The following BORCS5 variants were observed in gnomAD, a reference collection of about 807,000 sequenced individuals.
The protein encoded by BORCS5 is BLOC-1 related complex subunit 5.
A neutral mutation model predicts 22.1 loss-of-function variants in BORCS5; 17 were observed. That is an observed-to-expected ratio of 0.77 (90% confidence interval 0.53 to 1.15). BORCS5 has a LOEUF of 1.15. Ranked by LOEUF, BORCS5 falls within the 50% of genes most tolerant of loss-of-function variation. BORCS5 has a pLI of 0.00. For synonymous variants in BORCS5, 117 were observed against 99.8 expected (o/e 1.17, Z -1.03); for missense variants, 247 against 253.2 (o/e 0.98, Z 0.17).
chr12:12,463,086 GGCAAA>G (rs1943140122), intron 3 of BORCS5, among the ~76,000 whole-genome samples: 3 of 152,288 alleles, frequency 2.0e-5, no homozygotes, highest in African/African-American at 7.2e-5. Context: ...AAATAGGAAA[GGCAAA>G]TAAGGATATA....
Position 12,393,768 on chromosome 12 carries a change from G to A in BORCS5, c.202+32419G>A, listed in dbSNP as rs112344263. 3.3e-5 allele frequency among the ~76,000 whole-genome samples: 5 copies of A among 150,736 alleles called. 1 individual carries two copies. The highest frequency in any genetic ancestry group is 9.8e-5 in the African/African-American group (4 of 40,762). ...CTCCTGACTTCAGGTAGATCTGCCCGCCTTGGCCTTCCAAAGTGCTGGGAT... is the reference window on the plus strand; with the variant it reads ...CTCCTGACTTCAGGTAGATCTGCCCACCTTGGCCTTCCAAAGTGCTGGGAT... On this transcript the variant is annotated intron_variant, in intron 2 of 3. Coordinates refer to ENST00000314565, the MANE Select transcript of BORCS5 (RefSeq NM_058169.6).
chr12:12,422,897 G>T (rs372341381), intron 2 of BORCS5, among the ~76,000 whole-genome samples: 1 of 149,950 alleles, frequency 6.7e-6, no homozygotes, highest in Non-Finnish European at 1.5e-5. Context: ...GTCTCTTAAC[G>T]CAGAAAGCCA....
In BORCS5 at chr12:12,395,740, T is replaced by C. The variant is rs182562717; in HGVS notation, c.202+34391T>C. ...TTGACAGCTGCGCTTTTTGAATGAATTGGTATGACAGTGGCCAAAGATGGA... is the reference window on the plus strand; with the variant it reads ...TTGACAGCTGCGCTTTTTGAATGAACTGGTATGACAGTGGCCAAAGATGGA... On this transcript the variant is annotated intron_variant, in intron 2 of 3. Transcript: ENST00000314565. 1.8e-3 allele frequency among the ~76,000 whole-genome samples: 273 copies of C among 152,094 alleles called. 1 individual carries two copies. The highest frequency in any genetic ancestry group is 1.2e-3 in the Admixed American group (19 of 15,282).
intron 3 of BORCS5, among the ~76,000 whole-genome samples, chr12:12,461,190 T>C (rs962868989): frequency 1.6e-4 from 23 of 147,110 alleles, no homozygotes; most frequent in African/African-American, 5.8e-4. Context: ...CCCCCTGGGA[T>C]AGGGCCTTGC....
intron 2 of BORCS5, among the ~76,000 whole-genome samples, chr12:12,380,333 G>C (rs1276926814): frequency 6.6e-6 from 1 of 151,366 alleles, no homozygotes; most frequent in Admixed American, 6.6e-5. Flanking sequence ...AAAAAAATTT[G>C]AAGTGGAATA....
intron 3 of BORCS5, among the ~76,000 whole-genome samples, chr12:12,438,508 A>G (rs1246766289): frequency 6.6e-6 from 1 of 152,154 alleles, no homozygotes; most frequent in Admixed American, 6.6e-5. Flanking sequence ...AGCTGGAAGT[A>G]CCAGACAGAG....
chr12:12,458,138 T>C (rs1377243700), intron 3 of BORCS5, among the ~76,000 whole-genome samples: 2 of 152,206 alleles, frequency 1.3e-5, no homozygotes, highest in Admixed American at 6.5e-5. Context: ...TGTTTTGTTT[T>C]GTTTTGTTTT....
chr12:12,372,454 G>T (rs150911041), intron 2 of BORCS5, among the ~76,000 whole-genome samples: 1 of 152,154 alleles, frequency 6.6e-6, no homozygotes, highest in African/African-American at 2.4e-5. Context: ...CAAGCAAACC[G>T]CCTGCTTCAG....
chr12:12,401,180 A>T (rs1403870472), intron 2 of BORCS5, among the ~76,000 whole-genome samples: 1 of 152,298 alleles, frequency 6.6e-6, no homozygotes, highest in East Asian at 1.9e-4. Flanking sequence ...ACTAGGAACA[A>T]ATTGCTGTCT....
At chr12:12,464,403 C>A (rs7132512) in intron 3 of BORCS5, among the ~76,000 whole-genome samples, 54,931 of 152,036 alleles carry the variant, frequency 0.36, 11,769 homozygotes, top group East Asian at 0.74. Context: ...CCCGTGTTTT[C>A]ATGAGTTTGT....
At chr12:12,429,735 T>C (rs1032539083) in intron 2 of BORCS5, among the ~76,000 whole-genome samples, 1 of 152,184 alleles carries the variant, frequency 6.6e-6, no homozygotes, top group African/African-American at 2.4e-5. Flanking sequence ...GTGAGAGTTT[T>C]GTTTTGTGAG....
At chr12:12,452,795 G>A (rs929978059) in intron 3 of BORCS5, among the ~76,000 whole-genome samples, 11 of 152,216 alleles carry the variant, frequency 7.2e-5, no homozygotes, top group African/African-American at 2.7e-4. Flanking sequence ...CATGGGAGTG[G>A]TGATCTGGAG....
rs554002958 is a variant in BORCS5 at position 12,393,372 on chromosome 12, C to T, written c.202+32023C>T. On this transcript the variant is annotated intron_variant, in intron 2 of 3. Transcript: ENST00000314565. ...GGTGTACAGTAACCATTGCCAGGTG[C>T]CTGGGACTACTGCTTCCACTTTCTG... 2.1e-4 allele frequency among the ~76,000 whole-genome samples: 32 copies of T among 152,158 alleles called. 1 individual carries two copies. Among genetic ancestry groups the T allele is most frequent in the African/African-American group, 7.2e-4 (30 of 41,472 alleles).
At chr12:12,463,191 G>A (rs967717993) in intron 3 of BORCS5, among the ~76,000 whole-genome samples, 2 of 152,236 alleles carry the variant, frequency 1.3e-5, no homozygotes, top group Non-Finnish European at 2.9e-5. Flanking sequence ...ATGAGCATGT[G>A]TCTGGGGGTT....
intron 2 of BORCS5, among the ~76,000 whole-genome samples, chr12:12,387,897 AG>A (rs1372526878): frequency 1.6e-4 from 24 of 151,484 alleles, no homozygotes; most frequent in African/African-American, 4.8e-4. Flanking sequence ...ACACACCATG[AG>A]GGGCCTCACT....
chr12:12,464,344 A>G (rs1943162229), intron 3 of BORCS5, among the ~76,000 whole-genome samples: 1 of 152,068 alleles, frequency 6.6e-6, no homozygotes, highest in South Asian at 2.1e-4. Flanking sequence ...CCCTCCCCAC[A>G]GATGATAGCA....
intron 2 of BORCS5, among the ~76,000 whole-genome samples, chr12:12,394,811 A>G (rs1941291616): frequency 6.6e-6 from 1 of 152,092 alleles, no homozygotes; most frequent in South Asian, 2.1e-4. Flanking sequence ...CCATGTGCCA[A>G]GTGCTACACT....
intron 3 of BORCS5, among the ~76,000 whole-genome samples, chr12:12,443,007 G>A (rs1037551905): frequency 7.9e-5 from 12 of 152,180 alleles, no homozygotes; most frequent in African/African-American, 1.9e-4. Context: ...GAGTAGTTCC[G>A]AGTGTTGCAC....
intron 2 of BORCS5, among the ~76,000 whole-genome samples, chr12:12,392,061 A>AAAG (rs1276686729): frequency 6.6e-6 from 1 of 150,428 alleles, no homozygotes; most frequent in Admixed American, 6.7e-5. Context: ...AAAAAAAAAA[A>AAAG]AAAAATAGAG....
Sources: gnomAD v4.1 joint callset for allele counts (sites outside exome capture counted in the v4.1 genomes callset) on GRCh38, gnomAD v4.1.1 for gene constraint, MANE v1.5 for transcripts, NCBI Gene and HGNC (gene_info 2026-07-23, HGNC 2026-07-21) for gene names.